OGFOD1: variants seen among roughly 807,000 people sequenced by gnomAD.
OGFOD1 encodes the protein 2-oxoglutarate and iron dependent oxygenase domain containing 1.
In OGFOD1, 54 loss-of-function variants were observed where a neutral mutation model predicts 67.7. The ratio of observed to expected loss-of-function variants is 0.80; its 90% CI spans 0.64 to 1.00. The LOEUF is 1.00. Among genes scored for constraint, OGFOD1 ranks in the 50% least tolerant of loss-of-function variants. The probability of loss-of-function intolerance (pLI) is 0.00; values close to 1 mark genes in which losing one functional copy is unlikely to be tolerated. For missense variants in OGFOD1, 606 were observed against 646.7 expected (o/e 0.94, Z 0.68); for synonymous variants, 221 against 227.0 (o/e 0.97, Z 0.24).
In OGFOD1 at chr16:56,453,518, C is replaced by T. The variant is rs556858495; in HGVS notation, c.300+110C>T. ...TTAGGGTGGGTTTGCCTTGAACAGT[C>T]CTTGCATTGACATTCTTAAGAGCAT... On this transcript the variant is annotated intron_variant, in intron 2 of 12. Coordinates refer to ENST00000566157, the MANE Select transcript of OGFOD1 (RefSeq NM_018233.4). The T allele has an allele frequency of 2.9e-6, 3 of 1,044,024 alleles. No individual in the cohort carries two copies. In the Admixed American group the frequency reaches 7.8e-5, roughly 27 times the overall value. The allele number at this position is 1,044,024 out of a possible 1,614,324, so 64.7% of individuals were successfully genotyped here. A position where few individuals can be genotyped will look rare whatever the true frequency, so the allele number is the denominator to read the frequency against.
At chr16:56,462,729 A>G in intron 4 of OGFOD1, 95 bp downstream of exon 4, 1 of 740,156 alleles carries the variant, frequency 1.4e-6, no homozygotes, top group Admixed American at 2.4e-5. Flanking sequence ...CACTCAACTG[A>G]ATGTCCCTGC....
intron 2 of OGFOD1, among the ~76,000 whole-genome samples, chr16:56,456,377 GCCT>G (rs1186418725): frequency 4.6e-5 from 7 of 152,116 alleles, no homozygotes; most frequent in African/African-American, 1.7e-4. Context: ...TCATGGCTTT[GCCT>G]CCTCTTTGAT....
At chr16:56,465,419 T>G (rs1335014213) in intron 4 of OGFOD1, among the ~76,000 whole-genome samples, 1 of 152,236 alleles carries the variant, frequency 6.6e-6, no homozygotes, top group Non-Finnish European at 1.5e-5. Context: ...TCCATATTTG[T>G]AACTCCCTTC....
chr16:56,461,370 C>T (rs900801465), intron 3 of OGFOD1, among the ~76,000 whole-genome samples: 4 of 152,282 alleles, frequency 2.6e-5, no homozygotes, highest in Middle Eastern at 3.4e-3. Context: ...CTGGGGAGGA[C>T]GTGGTGTGGA....
intron 1 of OGFOD1, 123 bp from the exon 2 acceptor site, chr16:56,453,140 G>A (rs1464418224): frequency 3.2e-6 from 3 of 937,944 alleles, no homozygotes; most frequent in Admixed American, 2.8e-5. Context: ...CCAAATCTTA[G>A]ACTTTAAGTA....
At chr16:56,466,347 T>C (rs540364723) in intron 5 of OGFOD1, 79 bp downstream of exon 5, 2 of 881,534 alleles carry the variant, frequency 2.3e-6, no homozygotes, top group African/African-American at 3.3e-5. Flanking sequence ...GTATCATGTT[T>C]TTGTATACAA....
intron 2 of OGFOD1, among the ~76,000 whole-genome samples, chr16:56,457,973 C>T (rs915875921): frequency 1.3e-5 from 2 of 152,198 alleles, no homozygotes; most frequent in Non-Finnish European, 2.9e-5. Context: ...CCACCGTGCC[C>T]GGCCCCACTA....
intron 10 of OGFOD1, 21 bp downstream of exon 10, chr16:56,470,812 G>T (rs13337155): frequency 3.2e-6 from 5 of 1,545,774 alleles, no homozygotes; most frequent in Admixed American, 2.1e-5. Flanking sequence ...GTTAGGATTT[G>T]TCCTTACTTA....
chr16:56,472,061 G>A (rs558667923), intron 10 of OGFOD1, among the ~76,000 whole-genome samples: 2 of 152,078 alleles, frequency 1.3e-5, no homozygotes, highest in South Asian at 2.1e-4. Context: ...TCCTAGGCTC[G>A]AGCGATCCTT....
At chr16:56,472,925 T>G (rs1037125227) in intron 10 of OGFOD1, among the ~76,000 whole-genome samples, 7 of 151,452 alleles carry the variant, frequency 4.6e-5, no homozygotes, top group African/African-American at 1.7e-4. Flanking sequence ...GCTTTTTTTG[T>G]TTTGGTTTGG....
At chr16:56,453,541 C>T in intron 2 of OGFOD1, 133 bp downstream of exon 2, 3 of 779,930 alleles carry the variant, frequency 3.8e-6, no homozygotes, top group Non-Finnish European at 2.0e-6. Flanking sequence ...TTCTTAAGAG[C>T]ATGCCTTCAT....
intron 10 of OGFOD1, among the ~76,000 whole-genome samples, chr16:56,473,078 A>G (rs747310684): frequency 1.3e-5 from 2 of 152,052 alleles, no homozygotes; most frequent in African/African-American, 4.8e-5. Flanking sequence ...CTACAGGCGC[A>G]TGCCACCACG....
At chr16:56,465,781 T>A (rs1962872349) in intron 4 of OGFOD1, 1 of 191,128 alleles carries the variant, frequency 5.2e-6, no homozygotes, top group African/African-American at 2.4e-5. Flanking sequence ...ACCAAGTGTG[T>A]ATATTGATAG....
At position 56,477,955 on chromosome 16, in the gene OGFOD1, T is replaced by C. The variant is rs1485974258; in HGVS notation, c.*1750T>C. The C allele has an allele frequency of 6.6e-5, 10 of 152,246 alleles. No individual in the cohort carries two copies. The highest frequency in any genetic ancestry group is 5.9e-4 in the Admixed American group (9 of 15,288). 9.4% of individuals were successfully genotyped at this position (152,246 alleles called of 1,614,324 possible). A position where few individuals can be genotyped will look rare whatever the true frequency, so the allele number is the denominator to read the frequency against. ...AGGTTTAATTCTGCACCCTAGCCAG[T>C]TAAGAAATGTTTTAGCAGGTATGCC... On this transcript the variant is annotated 3_prime_UTR_variant, in exon 13 of 13. Coordinates refer to ENST00000566157, the MANE Select transcript of OGFOD1 (RefSeq NM_018233.4).
chr16:56,469,353 A>C (rs966868008), intron 8 of OGFOD1, among the ~76,000 whole-genome samples: 2 of 152,176 alleles, frequency 1.3e-5, no homozygotes, highest in African/African-American at 4.8e-5. Flanking sequence ...TCCTCAAAAC[A>C]TCTTGTGAGT....
rs117876365 is a variant in OGFOD1 at position 56,476,311 on chromosome 16, A to G, written c.*106A>G. 3,730 of 1,070,972 alleles carry G rather than the reference A, an allele frequency of 3.5e-3. 93 individuals are homozygous for G. The South Asian group carries it at 0.043, about 12-fold the overall frequency. 66.3% of individuals were successfully genotyped at this position (1,070,972 alleles called of 1,614,324 possible). A position where few individuals can be genotyped will look rare whatever the true frequency, so the allele number is the denominator to read the frequency against. ...AGAACTACATGGTAGCTTGCCTGAC[A>G]GTGTTCTTAAAACTGGTTGTCTTTT... On this transcript the variant is annotated 3_prime_UTR_variant, in exon 13 of 13. Coordinates refer to ENST00000566157, the MANE Select transcript of OGFOD1 (RefSeq NM_018233.4).
intron 10 of OGFOD1, among the ~76,000 whole-genome samples, chr16:56,474,190 G>A (rs1307511896): frequency 2.0e-5 from 3 of 151,668 alleles, no homozygotes; most frequent in African/African-American, 7.3e-5. Flanking sequence ...TCTACTTTAG[G>A]TAATAACATG....
At chr16:56,469,099 C>G (rs1210585601) in intron 8 of OGFOD1, among the ~76,000 whole-genome samples, 1 of 152,202 alleles carries the variant, frequency 6.6e-6, no homozygotes, top group African/African-American at 2.4e-5. Flanking sequence ...TTTACCTAAA[C>G]CATGCTATGG....
chr16:56,453,622 G>A, intron 2 of OGFOD1: 1 of 410,734 alleles, frequency 2.4e-6, no homozygotes. Flanking sequence ...GACAGTGCCT[G>A]CCCTGTAAGA....
Sources: allele counts gnomAD v4.1 joint callset (sites outside exome capture counted in the v4.1 genomes callset), GRCh38; gene constraint gnomAD v4.1.1; transcripts MANE v1.5; gene names NCBI Gene and HGNC (gene_info 2026-07-23, HGNC 2026-07-21).